ADAM23: variants seen among roughly 807,000 people sequenced by gnomAD.
The protein encoded by ADAM23 is disintegrin and metalloproteinase domain-containing protein 23.
A neutral mutation model predicts 120.1 loss-of-function variants in ADAM23; 33 were observed. The ratio of observed to expected loss-of-function variants is 0.27; its 90% CI spans 0.21 to 0.37. ADAM23 has a LOEUF of 0.37. ADAM23 is among the 10% of genes least tolerant of loss of function. The pLI, the probability that ADAM23 is intolerant of heterozygous loss-of-function variation, is 1.00. For synonymous variants in ADAM23, 367 were observed against 375.2 expected (o/e 0.98, Z 0.25); for missense variants, 862 against 1,058.2 (o/e 0.81, Z 2.57).
At chr2:206,543,126 A>G (rs1697327353) in intron 5 of ADAM23, 127 bp from the exon 6 acceptor site, 2 of 773,086 alleles carry the variant, frequency 2.6e-6, no homozygotes, top group South Asian at 1.8e-5. Flanking sequence ...TAAACTTGTG[A>G]CAGTGTAAAG....
intron 24 of ADAM23, among the ~76,000 whole-genome samples, chr2:206,601,982 T>G (rs932667039): frequency 6.6e-6 from 1 of 152,180 alleles, no homozygotes; most frequent in Non-Finnish European, 1.5e-5. Flanking sequence ...GAAGTCTTAT[T>G]TTCTGAGGTA....
At chr2:206,490,586 T>G (rs1019635403) in intron 3 of ADAM23, among the ~76,000 whole-genome samples, 7 of 152,214 alleles carry the variant, frequency 4.6e-5, no homozygotes, top group Non-Finnish European at 4.4e-5. Flanking sequence ...AAATATTGAT[T>G]GCCACTGTGC....
chr2:206,449,515 C>T (rs1307726878), intron 2 of ADAM23, among the ~76,000 whole-genome samples: 2 of 152,312 alleles, frequency 1.3e-5, no homozygotes, highest in East Asian at 1.9e-4. Flanking sequence ...TGCCTGTAAT[C>T]CCAGCACTCT....
chr2:206,452,373 T>C (rs1695214199), intron 2 of ADAM23, among the ~76,000 whole-genome samples: 1 of 152,248 alleles, frequency 6.6e-6, no homozygotes, highest in Non-Finnish European at 1.5e-5. Context: ...CTTCAGCATG[T>C]GTCCCTAAAT....
intron 18 of ADAM23, among the ~76,000 whole-genome samples, chr2:206,583,324 A>G (rs1698256010): frequency 6.6e-6 from 1 of 151,958 alleles, no homozygotes; most frequent in East Asian, 1.9e-4. Flanking sequence ...CGTGGTAACG[A>G]GCGCCTATAG....
chr2:206,585,780 A>G (rs138550662), intron 18 of ADAM23, among the ~76,000 whole-genome samples: 1 of 152,318 alleles, frequency 6.6e-6, no homozygotes, highest in East Asian at 1.9e-4. Context: ...ACAAGTAAGT[A>G]AAACTTATGA....
chr2:206,583,225 C>T (rs113403142), intron 18 of ADAM23, among the ~76,000 whole-genome samples: 3 of 152,168 alleles, frequency 2.0e-5, no homozygotes, highest in East Asian at 1.9e-4. Context: ...GAGGCCAAGG[C>T]GGGCGGATCA....
At position 206,539,123 on chromosome 2, in the gene ADAM23, G is replaced by C. The variant is rs147866298; in HGVS notation, c.574-2929G>C. On this transcript the variant is annotated intron_variant, in intron 4 of 25. Coordinates refer to ENST00000264377, the MANE Select transcript of ADAM23 (RefSeq NM_003812.4). ...GAGCTTGGAAACCTTGTGGAGCAGA[G>C]TTATTATTTGAGCATGATATGGCTT... Among the ~76,000 whole-genome samples the C allele has an allele frequency of 4.3e-4, 66 of 152,330 alleles. 1 individual carries two copies. In the East Asian group the frequency reaches 0.012, roughly 28 times the overall value.
At chr2:206,617,078 C>A (rs902408334) in intron 25 of ADAM23, among the ~76,000 whole-genome samples, 2 of 152,090 alleles carry the variant, frequency 1.3e-5, no homozygotes, top group African/African-American at 4.8e-5. Flanking sequence ...CTCACACACC[C>A]AAGGCAGCAA....
At chr2:206,453,344 T>C (rs1221548066) in intron 2 of ADAM23, among the ~76,000 whole-genome samples, 4 of 152,250 alleles carry the variant, frequency 2.6e-5, no homozygotes, top group Admixed American at 1.3e-4. Flanking sequence ...GAACATCATG[T>C]CATCTCCATC....
At chr2:206,605,743 G>C (rs761898590) in intron 24 of ADAM23, 3 of 701,752 alleles carry the variant, frequency 4.3e-6, no homozygotes, top group South Asian at 3.0e-5. Context: ...AGTGAAATTA[G>C]TATGTAATTT....
chr2:206,536,705 A>T (rs936906172), intron 4 of ADAM23, among the ~76,000 whole-genome samples: 2 of 152,072 alleles, frequency 1.3e-5, no homozygotes, highest in Admixed American at 1.3e-4. Flanking sequence ...TATTTTAGAT[A>T]TACACAACTT....
At chr2:206,604,253 G>A (rs1237169129) in intron 24 of ADAM23, among the ~76,000 whole-genome samples, 1 of 151,802 alleles carries the variant, frequency 6.6e-6, no homozygotes, top group Non-Finnish European at 1.5e-5. Flanking sequence ...GCGACAGAGC[G>A]AGACTCCATC....
At chr2:206,475,604 C>T (rs1271948592) in intron 2 of ADAM23, among the ~76,000 whole-genome samples, 3 of 151,742 alleles carry the variant, frequency 2.0e-5, no homozygotes, top group East Asian at 1.9e-4. Flanking sequence ...CAAACAGCCA[C>T]GCTGATGAAA....
chr2:206,603,356 CTAAAG>C (rs1559285643), intron 24 of ADAM23, among the ~76,000 whole-genome samples: 2 of 152,172 alleles, frequency 1.3e-5, no homozygotes, highest in Admixed American at 6.5e-5. Context: ...TCAGCACTCT[CTAAAG>C]GAAGAGAACA....
At chr2:206,605,300 G>A (rs1035429756) in intron 24 of ADAM23, among the ~76,000 whole-genome samples, 3 of 152,172 alleles carry the variant, frequency 2.0e-5, no homozygotes, top group Non-Finnish European at 4.4e-5. Flanking sequence ...AGGTAAACAT[G>A]TATTTACTTT....
rs577038898 is a variant in ADAM23 at position 206,542,150 on chromosome 2, A to T, written c.656+16A>T. 7 of 1,539,704 alleles carry T rather than the reference A, an allele frequency of 4.5e-6. No homozygotes were observed. The African/African-American group carries it at 9.5e-5, about 21-fold the overall frequency. ...ATGGACTTCAGTAAGTGGGAATCTCATTGGCATTTTATTCATTGACCCTTT... is the reference window on the plus strand; with the variant it reads ...ATGGACTTCAGTAAGTGGGAATCTCTTTGGCATTTTATTCATTGACCCTTT... On this transcript the variant is annotated intron_variant, in intron 5 of 25. Transcript: ENST00000264377.
chr2:206,580,599 T>G (rs963517176), intron 18 of ADAM23, among the ~76,000 whole-genome samples: 1 of 152,194 alleles, frequency 6.6e-6, no homozygotes, highest in Non-Finnish European at 1.5e-5. Context: ...CTTTTTGATA[T>G]GTTGTTGGAT....
rs1003348889 is a variant in ADAM23, at chr2:206,541,161, G to A, written c.574-891G>A. 6.6e-5 allele frequency among the ~76,000 whole-genome samples: 10 copies of A among 150,662 alleles called. No individual in the cohort carries two copies. In the South Asian group the frequency reaches 1.9e-3, roughly 28 times the overall value. On this transcript the variant is annotated intron_variant, in intron 4 of 25. Transcript: ENST00000264377. Reference sequence around the variant, plus strand: ...AGCCTGGGCAGCAGGGTAAGACCCCGTCTCCAAGAAAAAAATAAAAATAAA... The same window carrying A: ...AGCCTGGGCAGCAGGGTAAGACCCCATCTCCAAGAAAAAAATAAAAATAAA...
Sources: gnomAD v4.1 joint callset for allele counts (sites outside exome capture counted in the v4.1 genomes callset) on GRCh38, gnomAD v4.1.1 for gene constraint, MANE v1.5 for transcripts, NCBI Gene and HGNC (gene_info 2026-07-23, HGNC 2026-07-21) for gene names.